SERTM1: variants seen among roughly 807,000 people sequenced by gnomAD.
SERTM1 encodes serine-rich and transmembrane domain-containing protein 1.
In SERTM1, 1 loss-of-function variant was observed where a neutral mutation model predicts 5.5. The observed-to-expected ratio is 0.18, with a 90% CI of 0.06 to 0.86. The LOEUF (loss-of-function observed/expected upper bound fraction) is 0.86. SERTM1 is among the 40% of genes least tolerant of loss of function. The pLI, the probability that SERTM1 is intolerant of heterozygous loss-of-function variation, is 0.69. For missense variants in SERTM1, 91 were observed against 122.4 expected (o/e 0.74, Z 1.21); for synonymous variants, 52 against 55.1 (o/e 0.94, Z 0.25).
chr13:36,693,408 T>TC (rs1314357301), intron 1 of SERTM1, among the ~76,000 whole-genome samples: 35 of 151,726 alleles, frequency 2.3e-4, no homozygotes, highest in African/African-American at 8.5e-4. Context: ...TTTTTTTTTT[T>TC]CCTTAAGGTT....
At chr13:36,679,072 A>G (rs574330867) in intron 1 of SERTM1, among the ~76,000 whole-genome samples, 1 of 152,330 alleles carries the variant, frequency 6.6e-6, no homozygotes, top group African/African-American at 2.4e-5. Context: ...TACACAGATC[A>G]TAAAGACATA....
At chr13:36,678,385 A>T (rs2056682532) in intron 1 of SERTM1, among the ~76,000 whole-genome samples, 1 of 152,106 alleles carries the variant, frequency 6.6e-6, no homozygotes, top group Admixed American at 6.5e-5. Flanking sequence ...CAAAAAATGG[A>T]ATCATAGTAT....
chr13:36,696,791 A>T lies in SERTM1; in HGVS notation c.*1389A>T, dbSNP rs893141762. The T allele has an allele frequency of 6.0e-6, 1 of 167,084 alleles. No individual in the cohort carries two copies. Among genetic ancestry groups the T allele is most frequent in the Non-Finnish European group, 1.5e-5 (1 of 68,126 alleles). The allele number at this position is 167,084 out of a possible 1,614,324, so 10.4% of individuals were successfully genotyped here. On this transcript the variant is annotated 3_prime_UTR_variant, in exon 2 of 2. Coordinates refer to ENST00000315190, the MANE Select transcript of SERTM1 (RefSeq NM_203451.3). ...GGTAAACACTGAACTTATTCAACCT[A>T]CAGGAGGCCACTGCATCAACACGCC...
rs1041950823 is a variant in SERTM1, at chr13:36,697,206, G to A, written c.*1804G>A. The A allele has an allele frequency of 6.0e-6, 1 of 166,110 alleles. No individual in the cohort carries two copies. Among genetic ancestry groups the A allele is most frequent in the African/African-American group, 2.4e-5 (1 of 41,120 alleles). The allele number at this position is 166,110 out of a possible 1,614,324, so 10.3% of individuals were successfully genotyped here. A position where few individuals can be genotyped will look rare whatever the true frequency, so the allele number is the denominator to read the frequency against. On this transcript the variant is annotated 3_prime_UTR_variant, in exon 2 of 2. Coordinates refer to ENST00000315190, the MANE Select transcript of SERTM1 (RefSeq NM_203451.3). ...ATGGCAGTGGGTTGGGTGTCATTAT[G>A]TAGTATAAAAACTGGACTAGATAAA...
At chr13:36,691,995 T>C (rs2056781648) in intron 1 of SERTM1, among the ~76,000 whole-genome samples, 2 of 152,222 alleles carry the variant, frequency 1.3e-5, no homozygotes, top group East Asian at 3.8e-4. Flanking sequence ...TAAAATTCTT[T>C]CTAGCAGTGC....
chr13:36,683,074 G>GT (rs912882630), intron 1 of SERTM1, among the ~76,000 whole-genome samples: 15 of 151,320 alleles, frequency 9.9e-5, no homozygotes, highest in African/African-American at 1.9e-4. Context: ...TGTACGATGA[G>GT]TTTTTTTTTC....
chr13:36,674,362 C>A (rs1720631100), intron 1 of SERTM1, among the ~76,000 whole-genome samples, 178 bp downstream of exon 1: 1 of 152,078 alleles, frequency 6.6e-6, no homozygotes, highest in South Asian at 2.1e-4. Context: ...ACCCCCAAAT[C>A]TATCCCTTTT....
chr13:36,680,483 T>C (rs2056697853), intron 1 of SERTM1, among the ~76,000 whole-genome samples: 1 of 152,134 alleles, frequency 6.6e-6, no homozygotes, highest in Non-Finnish European at 1.5e-5. Context: ...GAGTATAGAG[T>C]GGATTTAGGG....
intron 1 of SERTM1, among the ~76,000 whole-genome samples, chr13:36,682,673 A>G (rs1028302243): frequency 1.6e-4 from 24 of 152,194 alleles, no homozygotes; most frequent in African/African-American, 5.5e-4. Flanking sequence ...TACAATGGTA[A>G]AAACGAGACT....
intron 1 of SERTM1, 47 bp from the exon 2 acceptor site, chr13:36,694,859 A>T (rs1351071488): frequency 5.7e-6 from 3 of 530,624 alleles, no homozygotes; most frequent in Non-Finnish European, 6.6e-6. Context: ...AATGGAATTT[A>T]AATGTGATTT....
chr13:36,692,542 G>A (rs1874841374), intron 1 of SERTM1, among the ~76,000 whole-genome samples: 2 of 152,212 alleles, frequency 1.3e-5, no homozygotes, highest in Non-Finnish European at 2.9e-5. Context: ...GAGAGACCTT[G>A]AAAGTTCCTC....
At chr13:36,685,570 T>C (rs1186670459) in intron 1 of SERTM1, among the ~76,000 whole-genome samples, 1 of 152,226 alleles carries the variant, frequency 6.6e-6, no homozygotes, top group Non-Finnish European at 1.5e-5. Context: ...TTTTTAAAAT[T>C]GCAGCTGCAT....
chr13:36,695,443 A>AT lies in SERTM1; in HGVS notation c.*42dup. ...CCTTGAGTGTGGCAGCAGTTTTGAC[A>AT]TCCCCTTACGGAAGTGTCCCGTGAG... is the stretch of plus-strand genomic sequence containing the variant. On this transcript the variant is annotated 3_prime_UTR_variant, in exon 2 of 2. Coordinates refer to ENST00000315190, the MANE Select transcript of SERTM1 (RefSeq NM_203451.3). The AT allele has an allele frequency of 6.7e-7, 1 of 1,490,910 alleles. No individual in the cohort carries two copies. The highest frequency in any genetic ancestry group is 2.3e-5 in the East Asian group (1 of 44,216). 92.4% of individuals were successfully genotyped at this position (1,490,910 alleles called of 1,614,324 possible).
chr13:36,676,117 T>A lies in SERTM1; in HGVS notation c.-174+1933T>A, dbSNP rs144669685. On this transcript the variant is annotated intron_variant, in intron 1 of 1. Coordinates refer to ENST00000315190, the MANE Select transcript of SERTM1 (RefSeq NM_203451.3). ...AATAACTGTGTGATTGCATGTGGCATCAAATCCACGAGAGAGTTTATTTGC... is the reference window on the plus strand; with the variant it reads ...AATAACTGTGTGATTGCATGTGGCAACAAATCCACGAGAGAGTTTATTTGC... 7.1e-3 allele frequency among the ~76,000 whole-genome samples: 1,076 copies of A among 152,302 alleles called. 19 individuals are homozygous for A. Among genetic ancestry groups the A allele is most frequent in the African/African-American group, 0.025 (1,022 of 41,558 alleles).
chr13:36,686,837 G>A (rs2056744608), intron 1 of SERTM1, among the ~76,000 whole-genome samples: 1 of 152,060 alleles, frequency 6.6e-6, no homozygotes, highest in Non-Finnish European at 1.5e-5. Context: ...ATCCTTATAA[G>A]GGAAGAAATC....
At chr13:36,676,617 A>G (rs1251653720) in intron 1 of SERTM1, among the ~76,000 whole-genome samples, 1 of 149,474 alleles carries the variant, frequency 6.7e-6, no homozygotes, top group African/African-American at 2.5e-5. Flanking sequence ...TGCCTGGCTC[A>G]TGGTACCCAT....
rs57478418 is a variant in SERTM1 at position 36,697,312 on chromosome 13, AATATAT to A, written c.*1930_*1935del. 3.1e-4 allele frequency: 45 copies of A among 146,900 alleles called. No homozygotes were observed. Among genetic ancestry groups the A allele is most frequent in the East Asian group, 8.5e-4 (4 of 4,680 alleles). The allele number at this position is 146,900 out of a possible 1,614,324, so 9.1% of individuals were successfully genotyped here. ...ATACGCACACACACACACACACATA[AATATAT>A]ATATATATATATATATATAAACTCA... On this transcript the variant is annotated 3_prime_UTR_variant, in exon 2 of 2. Transcript: ENST00000315190.
intron 1 of SERTM1, among the ~76,000 whole-genome samples, chr13:36,684,189 G>A (rs1408719392): frequency 6.6e-6 from 1 of 152,052 alleles, no homozygotes; most frequent in African/African-American, 2.4e-5. Flanking sequence ...CCCAGATACT[G>A]GGGAGGCTGA....
Position 36,696,282 on chromosome 13 carries a change from G to C in SERTM1, c.*880G>C, listed in dbSNP as rs982998495. ...TTTTATACAGTAATAACTCTTAGCTGTCGTGTAAGTTCCTTTATTCGGTTT... is the reference window on the plus strand; with the variant it reads ...TTTTATACAGTAATAACTCTTAGCTCTCGTGTAAGTTCCTTTATTCGGTTT... On this transcript the variant is annotated 3_prime_UTR_variant, in exon 2 of 2. Coordinates refer to ENST00000315190, the MANE Select transcript of SERTM1 (RefSeq NM_203451.3). 6 of 166,800 alleles carry C rather than the reference G, an allele frequency of 3.6e-5. No individual in the cohort carries two copies. Among genetic ancestry groups the C allele is most frequent in the Non-Finnish European group, 8.8e-5 (6 of 68,122 alleles). The allele number at this position is 166,800 out of a possible 1,614,324, so 10.3% of individuals were successfully genotyped here. A position where few individuals can be genotyped will look rare whatever the true frequency, so the allele number is the denominator to read the frequency against.
Sources: allele counts gnomAD v4.1 joint callset (sites outside exome capture counted in the v4.1 genomes callset), GRCh38; gene constraint gnomAD v4.1.1; transcripts MANE v1.5; gene names NCBI Gene and HGNC (gene_info 2026-07-23, HGNC 2026-07-21).